Variants in SART1 observed in about 807,000 individuals in gnomAD.
The protein encoded by SART1 is spliceosome associated factor 1, recruiter of U4/U6.U5 tri-snRNP, also known as U4/U6.U5 tri-snRNP-associated protein 1.
Under a neutral mutation model 105.0 loss-of-function variants are expected in SART1, and 28 were observed. That is an observed-to-expected ratio of 0.27 (90% confidence interval 0.20 to 0.37). SART1 has a LOEUF of 0.37. SART1 is among the 10% of genes least tolerant of loss of function. SART1 has a pLI of 1.00. For missense variants in SART1, 894 were observed against 1,106.5 expected, an observed-to-expected ratio of 0.81 and a Z score of 2.72; for synonymous variants, 472 against 462.9, an observed-to-expected ratio of 1.02 and a Z score of -0.25.
At chr11:65,972,711 C>T (rs1855402334) in intron 12 of SART1, among the ~76,000 whole-genome samples, 1 of 150,340 alleles carries the variant, frequency 6.7e-6, no homozygotes, top group Non-Finnish European at 1.5e-5. Context: ...AGGTTATAGT[C>T]AGCTATGATA....
intron 12 of SART1, 84 bp downstream of exon 12, chr11:65,967,905 C>T (rs1855294831): frequency 1.8e-6 from 2 of 1,115,284 alleles, no homozygotes; most frequent in Non-Finnish European, 2.4e-6. Flanking sequence ...AGCCACATTC[C>T]TGTCTGAAGC....
In SART1 at chr11:65,967,176, C is replaced by T. The variant is rs1050650601; in HGVS notation, c.1189-83C>T. On this transcript the variant is annotated intron_variant, in intron 9 of 19. Coordinates refer to ENST00000312397, the MANE Select transcript of SART1 (RefSeq NM_005146.5). ...GACGCTGGCTAGCACAGAGGAACAC[C>T]AAAGAAGTGTTCACCCTCGAGGGCT... is the stretch of plus-strand genomic sequence containing the variant. The T allele has an allele frequency of 2.6e-6, 4 of 1,558,446 alleles. No individual in the cohort carries two copies. In the African/African-American group the frequency reaches 4.1e-5, roughly 16 times the overall value.
chr11:65,970,487 G>T (rs1452730593), intron 12 of SART1, among the ~76,000 whole-genome samples: 1 of 152,142 alleles, frequency 6.6e-6, no homozygotes, highest in Non-Finnish European at 1.5e-5. Flanking sequence ...GGGGCCTAGA[G>T]TGCAAGTGGA....
Position 65,967,274 on chromosome 11 carries a change from A to G in SART1, c.1204A>G (p.Thr402Ala), listed in dbSNP as rs911211429. 4 of 1,614,042 alleles carry G rather than the reference A, an allele frequency of 2.5e-6. No homozygotes were observed. The highest frequency in any genetic ancestry group is 3.4e-6 in the Non-Finnish European group (4 of 1,179,946). ...TPEEMVTFKK[T>A]KRRVKKIRKK... The stretch of plus-strand genomic sequence containing the variant: ...TTCCCTTAAGGTGACCTTTAAAAAG[A>G]CCAAGCGGAGGGTGAAGAAAATCCG... The change falls in exon 10 of 20, where the codon ACC becomes GCC. Residue 402 changes from threonine (T) to alanine (A), a missense_variant. By Grantham distance (58) the Thr-to-Ala change is moderately conservative. Around this residue, in one of 2 missense-constraint regions of SART1, gnomAD observed 712 missense variants for 778.2 expected, o/e 0.91. Coordinates refer to ENST00000312397, the MANE Select transcript of SART1 (RefSeq NM_005146.5).
Position 65,966,487 on chromosome 11 carries a change from G to T in SART1, c.1119G>T (p.Arg373=), listed in dbSNP as rs1235554558. The change falls in exon 9 of 20, where the codon CGG becomes CGT. Residue 373 remains arginine (R), a synonymous_variant. Transcript: ENST00000312397. ...TGGAGGAGATCCGGGCCAAGCTGCG[G>T]CTGCAGGCTCAGTCCCTGAGCACAG... ...RELEEIRAKL[R]LQAQSLSTVG... 1.2e-6 allele frequency: 2 copies of T among 1,607,058 alleles called. No individual in the cohort carries two copies. Among genetic ancestry groups the T allele is most frequent in the Non-Finnish European group, 1.7e-6 (2 of 1,176,314 alleles).
chr11:65,967,886 A>T (rs1188327871), intron 12 of SART1, 65 bp downstream of exon 12: 2 of 1,320,800 alleles, frequency 1.5e-6, no homozygotes, highest in Non-Finnish European at 2.0e-6. Context: ...CACCTGTGTC[A>T]TAGGCGACAG....
At chr11:65,967,002 C>G (rs2134906996) in intron 9 of SART1, among the ~76,000 whole-genome samples, 1 of 152,234 alleles carries the variant, frequency 6.6e-6, no homozygotes, top group East Asian at 1.9e-4. Flanking sequence ...GAGCAGGACT[C>G]TGGAGCCAGA....
Position 65,978,527 on chromosome 11 carries a change from T to C in SART1, c.2173-73T>C, listed in dbSNP as rs1205564092. On this transcript the variant is annotated intron_variant, in intron 17 of 19. Transcript: ENST00000312397. This position sits in a 1 kb window ranked among gnomAD's most constrained non-coding sequence, Gnocchi z 6.8. ...TCAATCAACACCCGCCCTGTTATTA[T>C]ACACCTTGTGGGCACAGGTGGCTCC... 19 of 1,435,228 alleles carry C rather than the reference T, an allele frequency of 1.3e-5. No individual in the cohort carries two copies. The highest frequency in any genetic ancestry group is 1.8e-5 in the Non-Finnish European group (19 of 1,043,558). The allele number at this position is 1,435,228 out of a possible 1,614,324, so 88.9% of individuals were successfully genotyped here.
intron 12 of SART1, among the ~76,000 whole-genome samples, chr11:65,971,892 G>C (rs530474006): frequency 4.6e-5 from 7 of 151,998 alleles, no homozygotes; most frequent in Non-Finnish European, 7.4e-5. Flanking sequence ...TAGAAAGAAA[G>C]GCTGGAGAGA....
chr11:65,978,882 C>T lies in SART1; in HGVS notation c.2352C>T (p.Ile784=), dbSNP rs375131980. 4.8e-5 allele frequency: 77 copies of T among 1,613,876 alleles called. No individual in the cohort carries two copies. Among genetic ancestry groups the T allele is most frequent in the Non-Finnish European group, 5.4e-5 (64 of 1,179,984 alleles). The change falls in exon 19 of 20, where the codon ATC becomes ATT. Residue 784 remains isoleucine (I), a synonymous_variant. Coordinates refer to ENST00000312397, the MANE Select transcript of SART1 (RefSeq NM_005146.5). This position sits in a 1 kb window ranked among gnomAD's most constrained non-coding sequence, Gnocchi z 6.8. Reference sequence around the variant, plus strand: ...AGAAGGCTCAGAAGACCCCCTACATCGTGCTCAGCGGCAGCGGCAAGAGCA... The same window carrying T: ...AGAAGGCTCAGAAGACCCCCTACATTGTGCTCAGCGGCAGCGGCAAGAGCA... ...EKQKAQKTPY[I]VLSGSGKSMN... is the part of the protein sequence containing the mutation.
In SART1 at chr11:65,961,810, G is replaced by C. The variant is rs202145026; in HGVS notation, c.30G>C (p.Glu10Asp). ...GGTCGTCCAAGAAGCATCGCGGAGA[G>C]AAGGAGGCGGCCGGGACGACGGCGG... MGSSKKHRG[E>D]KEAAGTTAAA... The change falls in exon 1 of 20, where the codon GAG becomes GAC. Residue 10 changes from glutamate (E) to aspartate (D), a missense_variant. Physicochemically the swap from Glu to Asp is conservative, Grantham distance 45. Coordinates refer to ENST00000312397, the MANE Select transcript of SART1 (RefSeq NM_005146.5). 19 of 1,559,650 alleles carry C rather than the reference G, an allele frequency of 1.2e-5. No individual in the cohort carries two copies. In the East Asian group the frequency reaches 4.5e-4, roughly 37 times the overall value.
At position 65,964,153 on chromosome 11, in the gene SART1, T is replaced by C. The variant is rs146823521; in HGVS notation, c.371+22T>C. On this transcript the variant is annotated intron_variant, in intron 2 of 19. Transcript: ENST00000312397. ...CTAAGTGAGTACTGTCTCCCTTGTTTCTACTTTGTTTTTCTAAGAGAGGTG... is the reference window on the plus strand; with the variant it reads ...CTAAGTGAGTACTGTCTCCCTTGTTCCTACTTTGTTTTTCTAAGAGAGGTG... The C allele has an allele frequency of 5.3e-4, 851 of 1,609,934 alleles. 9 individuals are homozygous for C. In the East Asian group the frequency reaches 0.012, roughly 24 times the overall value.
At chr11:65,965,068 C>T (rs1224791105) in intron 3 of SART1, 24 bp from the exon 4 acceptor site, 6 of 1,557,838 alleles carry the variant, frequency 3.9e-6, no homozygotes, top group Non-Finnish European at 5.2e-6. Context: ...CGGGCATAGC[C>T]TCACGTCTGG....
At chr11:65,977,153 G>T (rs764778388) in intron 15 of SART1, 52 bp downstream of exon 15, 4 of 1,369,672 alleles carry the variant, frequency 2.9e-6, no homozygotes, top group Non-Finnish European at 3.1e-6. Flanking sequence ...GCTGCTGCAG[G>T]TGCAGGCAGG....
chr11:65,971,992 C>T (rs1855388108), intron 12 of SART1, among the ~76,000 whole-genome samples: 1 of 152,004 alleles, frequency 6.6e-6, no homozygotes, highest in African/African-American at 2.4e-5. Flanking sequence ...GACTCTATCT[C>T]AGCTCACTGC....
rs755089739 is a variant in SART1, at chr11:65,967,728, C to T, written c.1479C>T (p.Asp493=). Residue 493 remains aspartate, a synonymous_variant, in exon 12 of 20, where the codon GAC becomes GAT. Coordinates refer to ENST00000312397, the MANE Select transcript of SART1 (RefSeq NM_005146.5). ...PPGSPQVLEE[D]EAELELQKQL... Reference sequence around the variant, plus strand: ...GGTCCCCGCAGGTGCTGGAGGAGGACGAGGCGGAGCTGGAGCTGCAGAAGC... The same window carrying T: ...GGTCCCCGCAGGTGCTGGAGGAGGATGAGGCGGAGCTGGAGCTGCAGAAGC... 1.3e-5 allele frequency: 20 copies of T among 1,556,264 alleles called. No homozygotes were observed. Among genetic ancestry groups the T allele is most frequent in the Admixed American group, 7.8e-5 (4 of 51,068 alleles).
At chr11:65,974,388 AAAAC>A (rs1855441400) in intron 12 of SART1, among the ~76,000 whole-genome samples, 1 of 149,826 alleles carries the variant, frequency 6.7e-6, no homozygotes, top group Non-Finnish European at 1.5e-5. Flanking sequence ...AAAAAAAAAA[AAAAC>A]CATATCAGCC....
chr11:65,977,230 A>G, intron 15 of SART1, 129 bp downstream of exon 15: 1 of 680,580 alleles, frequency 1.5e-6, no homozygotes, highest in Non-Finnish European at 2.6e-6. Flanking sequence ...TGTCCGGCCC[A>G]GAGCCACTCC....
intron 12 of SART1, among the ~76,000 whole-genome samples, chr11:65,975,102 T>G (rs1040961552): frequency 2.5e-5 from 3 of 117,710 alleles, no homozygotes; most frequent in Non-Finnish European, 4.9e-5. Context: ...CCTGGAAGAC[T>G]TTTTTTTTTT....
Sources: allele counts gnomAD v4.1 joint callset (sites outside exome capture counted in the v4.1 genomes callset), GRCh38; gene constraint gnomAD v4.1.1; regional missense constraint gnomAD v4.1.1; non-coding constraint Gnocchi (gnomAD v3.1); transcripts MANE v1.5; gene names NCBI Gene and HGNC (gene_info 2026-07-23, HGNC 2026-07-21).